Variants in TENM3 observed in about 807,000 individuals in gnomAD.
The protein encoded by TENM3 is teneurin transmembrane protein 3.
Under a neutral mutation model 255.1 loss-of-function variants are expected in TENM3, and 63 were observed. The observed-to-expected ratio is 0.25, with a 90% CI of 0.20 to 0.30. TENM3 has a LOEUF of 0.30. TENM3 is among the 10% of genes least tolerant of loss of function. The pLI is 1.00. For missense variants in TENM3, 2,929 were observed against 3,461.1 expected, an observed-to-expected ratio of 0.85 and a Z score of 3.86; for synonymous variants, 1,306 against 1,322.3, an observed-to-expected ratio of 0.99 and a Z score of 0.27.
the TENM3 span, among the ~76,000 whole-genome samples, chr4:182,105,353 T>A: frequency 1.3e-5 from 2 of 151,710 alleles, no homozygotes; most frequent in Non-Finnish European, 2.9e-5. Flanking sequence ...CTGGGCTTAA[T>A]GCAAAGAGTT....
chr4:181,791,747 TGG>T, the TENM3 span, among the ~76,000 whole-genome samples: 1 of 152,210 alleles, frequency 6.6e-6, no homozygotes, highest in Non-Finnish European at 1.5e-5. Context: ...GTCCCTGCAC[TGG>T]AGACCCTTAT....
the TENM3 span, among the ~76,000 whole-genome samples, chr4:181,597,714 G>A: frequency 6.6e-6 from 1 of 152,124 alleles, no homozygotes. Context: ...AACACACTGG[G>A]AAGAGCTAAA....
intron 3 of TENM3, among the ~76,000 whole-genome samples, chr4:182,366,785 A>C (rs2150825037): frequency 6.6e-6 from 1 of 152,306 alleles, no homozygotes; most frequent in Middle Eastern, 3.4e-3. Flanking sequence ...ACACTGTAAA[A>C]AAAATGTAAT....
chr4:182,414,109 T>C (rs2151096813), intron 3 of TENM3, among the ~76,000 whole-genome samples: 1 of 152,346 alleles, frequency 6.6e-6, no homozygotes, highest in South Asian at 2.1e-4. Context: ...CAAATTTAGT[T>C]TCTAGAAAAA....
At chr4:182,389,615 A>T (rs187788854) in intron 3 of TENM3, among the ~76,000 whole-genome samples, 3 of 152,298 alleles carry the variant, frequency 2.0e-5, no homozygotes, top group Non-Finnish European at 1.5e-5. Context: ...ATCGTAGAGA[A>T]GGCACCAATA....
chr4:182,589,738 C>T lies in TENM3; in HGVS notation c.512-11186C>T, dbSNP rs565785722. On this transcript the variant is annotated intron_variant, in intron 3 of 27. Transcript: ENST00000511685. ...CTGTAATCCCAGCACTTTGGGAGGCCGAGGTGGGCAGATCACTTGAGGTCA... is the reference window on the plus strand; with the variant it reads ...CTGTAATCCCAGCACTTTGGGAGGCTGAGGTGGGCAGATCACTTGAGGTCA... Among the ~76,000 whole-genome samples, 43 of 151,858 alleles carry T rather than the reference C, an allele frequency of 2.8e-4. No homozygotes were observed. The East Asian group carries it at 4.9e-3, about 17-fold the overall frequency.
chr4:181,721,051 G>A, the TENM3 span, among the ~76,000 whole-genome samples: 2 of 151,734 alleles, frequency 1.3e-5, no homozygotes, highest in Admixed American at 1.3e-4. Flanking sequence ...CAGCGTCTCT[G>A]ATGAACCAAC....
chr4:181,960,143 G>C, the TENM3 span, among the ~76,000 whole-genome samples: 1 of 152,274 alleles, frequency 6.6e-6, no homozygotes, highest in South Asian at 2.1e-4. Flanking sequence ...GAATTAAAAT[G>C]CAATTTGTGT....
In TENM3 at chr4:182,800,504, T is replaced by C; in HGVS notation, c.*153T>C. 1 of 919,522 alleles carries C rather than the reference T, an allele frequency of 1.1e-6. No individual in the cohort carries two copies. Among genetic ancestry groups the C allele is most frequent in the Non-Finnish European group, 1.6e-6 (1 of 637,442 alleles). The allele number at this position is 919,522 out of a possible 1,614,324, so 57.0% of individuals were successfully genotyped here. A position where few individuals can be genotyped will look rare whatever the true frequency, so the allele number is the denominator to read the frequency against. On this transcript the variant is annotated 3_prime_UTR_variant, in exon 28 of 28. Coordinates refer to ENST00000511685, the MANE Select transcript of TENM3 (RefSeq NM_001080477.4). ...CCCACACCGCGAAAACAAGGACCGCTTTTTTCCGAATGACCTTAAAGGTGA... is the reference window on the plus strand; with the variant it reads ...CCCACACCGCGAAAACAAGGACCGCCTTTTTCCGAATGACCTTAAAGGTGA...
At chr4:181,710,380 AC>A in the TENM3 span, among the ~76,000 whole-genome samples, 1 of 152,168 alleles carries the variant, frequency 6.6e-6, no homozygotes, top group Non-Finnish European at 1.5e-5. Flanking sequence ...TGGGAGGAGC[AC>A]GTTGGATCTG....
intron 16 of TENM3, among the ~76,000 whole-genome samples, chr4:182,733,741 T>G (rs1165647611): frequency 6.6e-6 from 1 of 152,156 alleles, no homozygotes; most frequent in Admixed American, 6.5e-5. Flanking sequence ...TGTAAAATGG[T>G]CAAGCCAACT....
At chr4:181,757,360 T>C in the TENM3 span, among the ~76,000 whole-genome samples, 1 of 152,206 alleles carries the variant, frequency 6.6e-6, no homozygotes, top group African/African-American at 2.4e-5. Flanking sequence ...GCCCAGGGTC[T>C]GTATCATATG....
chr4:182,558,265 G>A (rs1262710426), intron 3 of TENM3, among the ~76,000 whole-genome samples: 2 of 152,188 alleles, frequency 1.3e-5, no homozygotes, highest in Non-Finnish European at 2.9e-5. Context: ...AATGTGCACA[G>A]CATCTCCATC....
intron 3 of TENM3, among the ~76,000 whole-genome samples, chr4:182,374,892 A>G (rs1017648717): frequency 1.3e-5 from 2 of 152,112 alleles, no homozygotes; most frequent in African/African-American, 4.8e-5. Flanking sequence ...CTAAACACCA[A>G]ATAATCTTAT....
At chr4:181,812,393 T>A in the TENM3 span, among the ~76,000 whole-genome samples, 3 of 152,152 alleles carry the variant, frequency 2.0e-5, no homozygotes, top group East Asian at 1.9e-4. Context: ...TAGAAAAAAA[T>A]TGGCTGATAA....
chr4:181,999,013 G>A, the TENM3 span, among the ~76,000 whole-genome samples: 3 of 152,152 alleles, frequency 2.0e-5, no homozygotes, highest in Non-Finnish European at 4.4e-5. Flanking sequence ...AAAGCAGCTA[G>A]CAGAGCTCTT....
chr4:181,689,766 T>C, the TENM3 span, among the ~76,000 whole-genome samples: 5 of 152,144 alleles, frequency 3.3e-5, no homozygotes, highest in African/African-American at 1.2e-4. Flanking sequence ...AAAGGTTTGA[T>C]GGACTGAAAA....
intron 1 of TENM3, among the ~76,000 whole-genome samples, chr4:182,217,009 CTTT>C (rs3071526): frequency 0.011 from 745 of 67,420 alleles, 6 homozygotes; most frequent in South Asian, 0.036. Context: ...CATTTTCTTT[CTTT>C]TTTTTTTTTT....
intron 3 of TENM3, among the ~76,000 whole-genome samples, chr4:182,367,545 G>T (rs1285761130): frequency 6.6e-6 from 1 of 152,146 alleles, no homozygotes; most frequent in African/African-American, 2.4e-5. Flanking sequence ...ACAAGTGGTA[G>T]CAGTGTTGAC....
Sources: allele counts gnomAD v4.1 joint callset (sites outside exome capture counted in the v4.1 genomes callset), GRCh38; gene constraint gnomAD v4.1.1; transcripts MANE v1.5; gene names NCBI Gene and HGNC (gene_info 2026-07-23, HGNC 2026-07-21).